XKR4: variants seen among roughly 807,000 people sequenced by gnomAD.
The protein encoded by XKR4 is XK-related protein 4.
Under a neutral mutation model 53.9 loss-of-function variants are expected in XKR4, and 12 were observed. The observed-to-expected ratio is 0.22, with a 90% CI of 0.14 to 0.36. XKR4 has a LOEUF of 0.36. Ranked by LOEUF, XKR4 falls within the 10% of genes least tolerant of loss-of-function variation. The pLI is 1.00. For synonymous variants in XKR4, 354 were observed against 362.4 expected (o/e 0.98, Z 0.26); for missense variants, 799 against 859.5 (o/e 0.93, Z 0.88).
chr8:55,522,936 C>T (rs1806819062), intron 2 of XKR4, among the ~76,000 whole-genome samples: 1 of 151,916 alleles, frequency 6.6e-6, no homozygotes, highest in South Asian at 2.1e-4. Flanking sequence ...GAGTTAAAAC[C>T]CAAAGAAAAT....
chr8:55,220,112 T>C (rs1585947465), intron 1 of XKR4, among the ~76,000 whole-genome samples: 3 of 152,300 alleles, frequency 2.0e-5, no homozygotes, highest in Admixed American at 2.0e-4. Flanking sequence ...GATAGATATG[T>C]CAATTAGGTT....
intron 1 of XKR4, chr8:55,142,257 A>G: frequency 6.7e-6 from 3 of 449,864 alleles, no homozygotes; most frequent in South Asian, 4.7e-5. Context: ...CTCTCCTCGT[A>G]GGAGAAGTTG....
chr8:55,490,889 T>G (rs1806263268), intron 2 of XKR4, among the ~76,000 whole-genome samples: 1 of 151,916 alleles, frequency 6.6e-6, no homozygotes, highest in African/African-American at 2.4e-5. Context: ...TTCCTCAAAT[T>G]TAGAAATGTT....
intron 1 of XKR4, among the ~76,000 whole-genome samples, chr8:55,276,152 T>TCA (rs1818760802): frequency 6.6e-6 from 1 of 152,212 alleles, no homozygotes; most frequent in Non-Finnish European, 1.5e-5. Context: ...GAACTACACT[T>TCA]CACACAGCAT....
chr8:55,362,797 A>C (rs952471593), intron 2 of XKR4, among the ~76,000 whole-genome samples: 1 of 152,226 alleles, frequency 6.6e-6, no homozygotes, highest in Non-Finnish European at 1.5e-5. Flanking sequence ...GTTCATGTAC[A>C]GACAACTGTC....
intron 1 of XKR4, among the ~76,000 whole-genome samples, chr8:55,241,171 G>A (rs542352039): frequency 4.1e-4 from 62 of 152,286 alleles, no homozygotes; most frequent in Non-Finnish European, 7.5e-4. Flanking sequence ...CCCATCAAGT[G>A]TTTGTTATTG....
rs1173047564 is a variant in XKR4, at chr8:55,326,471, T to TTC, written c.807-31206_807-31205insCT. Among the ~76,000 whole-genome samples the TTC allele has an allele frequency of 2.0e-5, 3 of 146,500 alleles. No homozygotes were observed. The East Asian group carries it at 6.0e-4, about 29-fold the overall frequency. On this transcript the variant is annotated intron_variant, in intron 1 of 2. Transcript: ENST00000327381. ...TCCCCTCAACTGATTTTTTTTCCTTTTTTTTTTTTTTTTTTTGGAAACAGA... is the reference window on the plus strand; with the variant it reads ...TCCCCTCAACTGATTTTTTTTCCTTTTCTTTTTTTTTTTTTTTTGGAAACAGA...
chr8:55,128,958 G>T (rs1009455473), intron 1 of XKR4, among the ~76,000 whole-genome samples: 3 of 152,158 alleles, frequency 2.0e-5, no homozygotes, highest in Non-Finnish European at 2.9e-5. Context: ...TTATAGGATC[G>T]TCTAACCAAC....
intron 2 of XKR4, among the ~76,000 whole-genome samples, chr8:55,377,279 G>C (rs1746017273): frequency 6.6e-6 from 1 of 152,178 alleles, no homozygotes; most frequent in Non-Finnish European, 1.5e-5. Flanking sequence ...AAGGAGTGGG[G>C]ATAGTAACCC....
rs767432504 is a variant in XKR4 at position 55,102,452 on chromosome 8, C to T, written c.-37C>T. 2.6e-6 allele frequency: 4 copies of T among 1,528,078 alleles called. No individual in the cohort carries two copies. The highest frequency in any genetic ancestry group is 3.5e-6 in the Non-Finnish European group (4 of 1,132,096). The allele number at this position is 1,528,078 out of a possible 1,614,324, so 94.7% of individuals were successfully genotyped here. ...AGGAGGAGACAGCGGGGAAAGGTGTCAGATAAAGGAGGGCTCTCCTCCGGT... is the reference window on the plus strand; with the variant it reads ...AGGAGGAGACAGCGGGGAAAGGTGTTAGATAAAGGAGGGCTCTCCTCCGGT... On this transcript the variant is annotated 5_prime_UTR_variant, in exon 1 of 3. Transcript: ENST00000327381. The surrounding 1 kb of genome is among the most constrained non-coding windows in gnomAD (Gnocchi z 5.1).
At chr8:55,189,409 C>T (rs543686771) in intron 1 of XKR4, among the ~76,000 whole-genome samples, 2 of 152,266 alleles carry the variant, frequency 1.3e-5, no homozygotes, top group African/African-American at 2.4e-5. Flanking sequence ...CATCGGTAAG[C>T]GGTTTCATCA....
At chr8:55,448,704 C>CATAA in intron 2 of XKR4, among the ~76,000 whole-genome samples, 1 of 152,306 alleles carries the variant, frequency 6.6e-6, no homozygotes, top group East Asian at 1.9e-4. Flanking sequence ...ACATGCCCTG[C>CATAA]ATAACAATAA....
intron 1 of XKR4, among the ~76,000 whole-genome samples, chr8:55,144,392 T>C (rs982731799): frequency 1.3e-5 from 2 of 151,998 alleles, no homozygotes; most frequent in Non-Finnish European, 2.9e-5. Flanking sequence ...AAAAATTCTA[T>C]AATAAGAAAG....
chr8:55,396,225 G>A (rs879506105), intron 2 of XKR4, among the ~76,000 whole-genome samples: 20 of 152,102 alleles, frequency 1.3e-4, no homozygotes, highest in Admixed American at 1.0e-3. Flanking sequence ...CAATCTTTCT[G>A]GGGGCTCAAG....
intron 2 of XKR4, among the ~76,000 whole-genome samples, chr8:55,419,495 CG>C (rs1804895214): frequency 6.6e-6 from 1 of 152,138 alleles, no homozygotes; most frequent in Non-Finnish European, 1.5e-5. Context: ...TAGTTCTAAC[CG>C]TTTTCACTTT....
chr8:55,428,321 C>T (rs1009707295), intron 2 of XKR4, among the ~76,000 whole-genome samples: 2 of 152,104 alleles, frequency 1.3e-5, no homozygotes, highest in African/African-American at 4.8e-5. Flanking sequence ...TTGGGGATGA[C>T]GTCTGGCAAC....
At position 55,536,109 on chromosome 8, in the gene XKR4, T is replaced by C. The variant is rs536692056; in HGVS notation, c.*11882T>C. On this transcript the variant is annotated 3_prime_UTR_variant, in exon 3 of 3. Transcript: ENST00000327381. Reference sequence around the variant, plus strand: ...GCCTCTGTGTCCAAACACACTAAACTGGGTTTACAAGCATTAGAATCTTTC... The same window carrying C: ...GCCTCTGTGTCCAAACACACTAAACCGGGTTTACAAGCATTAGAATCTTTC... The C allele has an allele frequency of 6.6e-6, 1 of 152,218 alleles. No individual in the cohort carries two copies. Among genetic ancestry groups the C allele is most frequent in the African/African-American group, 2.4e-5 (1 of 41,460 alleles). 9.4% of individuals were successfully genotyped at this position (152,218 alleles called of 1,614,324 possible). A position where few individuals can be genotyped will look rare whatever the true frequency, so the allele number is the denominator to read the frequency against.
At chr8:55,453,634 G>A (rs1260229417) in intron 2 of XKR4, 1 of 422,802 alleles carries the variant, frequency 2.4e-6, no homozygotes, top group South Asian at 1.9e-5. Flanking sequence ...CCTGGTCCAC[G>A]ATCCACTGCA....
chr8:55,456,359 G>A (rs1187309981), intron 2 of XKR4, among the ~76,000 whole-genome samples: 5 of 152,036 alleles, frequency 3.3e-5, no homozygotes, highest in African/African-American at 4.8e-5. Flanking sequence ...TGAACCCAGC[G>A]GGCAGAGGTT....
Sources: allele counts gnomAD v4.1 joint callset (sites outside exome capture counted in the v4.1 genomes callset), GRCh38; gene constraint gnomAD v4.1.1; non-coding constraint Gnocchi (gnomAD v3.1); transcripts MANE v1.5; gene names NCBI Gene and HGNC (gene_info 2026-07-23, HGNC 2026-07-21).